Variants in WWOX observed in about 807,000 individuals in gnomAD.
WWOX encodes the protein WW domain containing oxidoreductase.
In WWOX, 69 loss-of-function variants were observed where a neutral mutation model predicts 46.2. The observed-to-expected ratio is 1.49, with a 90% CI of 1.23 to 1.82. The LOEUF (loss-of-function observed/expected upper bound fraction) is 1.82, where lower values mean the gene tolerates loss of function less well. WWOX is among the 40% of genes most tolerant of loss of function. The probability of loss-of-function intolerance (pLI) is 0.00; values close to 1 mark genes in which losing one functional copy is unlikely to be tolerated. For missense variants in WWOX, 919 were observed against 542.6 expected (o/e 1.69, Z -6.89); for synonymous variants, 359 against 202.6 (o/e 1.77, Z -6.56).
chr16:78,951,627 A>T (rs2046061889), intron 8 of WWOX, among the ~76,000 whole-genome samples: 1 of 152,234 alleles, frequency 6.6e-6, no homozygotes, highest in African/African-American at 2.4e-5. Context: ...CCCAGGAGAC[A>T]GTGGCAGTCT....
rs575106440 is a variant in WWOX, at chr16:78,917,432, T to G, written c.1057-294176T>G. 6.6e-5 allele frequency among the ~76,000 whole-genome samples: 10 copies of G among 152,202 alleles called. No homozygotes were observed. In the East Asian group the frequency reaches 1.9e-3, roughly 29 times the overall value. On this transcript the variant is annotated intron_variant, in intron 8 of 8. Transcript: ENST00000566780. Reference sequence around the variant, plus strand: ...CACTGACCTGCATTCGTGTAGGAACTGAGCAAGGTTCATCTAGTCTCGGTA... The same window carrying G: ...CACTGACCTGCATTCGTGTAGGAACGGAGCAAGGTTCATCTAGTCTCGGTA...
intron 8 of WWOX, among the ~76,000 whole-genome samples, chr16:78,944,180 G>A (rs2045905744): frequency 6.6e-6 from 1 of 152,074 alleles, no homozygotes; most frequent in South Asian, 2.1e-4. Flanking sequence ...TCAAGACTCA[G>A]CACAACACAT....
chr16:79,189,051 A>G (rs1447023119), intron 8 of WWOX, among the ~76,000 whole-genome samples: 1 of 152,210 alleles, frequency 6.6e-6, no homozygotes, highest in Non-Finnish European at 1.5e-5. Flanking sequence ...TGAAAAAGAA[A>G]AGAAAAAAAA....
intron 8 of WWOX, among the ~76,000 whole-genome samples, chr16:78,807,140 T>C (rs958146376): frequency 1.3e-5 from 2 of 152,242 alleles, no homozygotes; most frequent in African/African-American, 4.8e-5. Flanking sequence ...TGAATTGGAA[T>C]CTGCACATTA....
chr16:78,570,231 G>A (rs1487313700), intron 8 of WWOX, among the ~76,000 whole-genome samples: 1 of 152,128 alleles, frequency 6.6e-6, no homozygotes, highest in Non-Finnish European at 1.5e-5. Flanking sequence ...TACGGGTCTG[G>A]GGCCCAAGTG....
chr16:78,758,725 T>C, intron 8 of WWOX, among the ~76,000 whole-genome samples: 1 of 152,146 alleles, frequency 6.6e-6, no homozygotes. Context: ...AGCCCATTGA[T>C]AAATGGAGTT....
chr16:78,687,562 T>G lies in WWOX; in HGVS notation c.1056+254810T>G, dbSNP rs949941102. On this transcript the variant is annotated intron_variant, in intron 8 of 8. Transcript: ENST00000566780. Reference sequence around the variant, plus strand: ...TTTATCGGAATACGCAGACATATACTTTATGAGGTTGGGTAATGAAGAGAG... The same window carrying G: ...TTTATCGGAATACGCAGACATATACGTTATGAGGTTGGGTAATGAAGAGAG... Among the ~76,000 whole-genome samples the G allele has an allele frequency of 2.6e-5, 4 of 151,294 alleles. No individual in the cohort carries two copies. The Admixed American group carries it at 2.7e-4, about 10-fold the overall frequency.
intron 8 of WWOX, among the ~76,000 whole-genome samples, chr16:79,008,145 C>T (rs936251884): frequency 6.6e-6 from 1 of 152,108 alleles, no homozygotes; most frequent in African/African-American, 2.4e-5. Flanking sequence ...GACTGAGGTG[C>T]TTGTTTTCTT....
chr16:78,230,432 A>C (rs1028053527), intron 5 of WWOX, among the ~76,000 whole-genome samples: 1 of 152,202 alleles, frequency 6.6e-6, no homozygotes, highest in Admixed American at 6.5e-5. Context: ...ATGTTCATGC[A>C]GCCAGCCTGG....
In WWOX at chr16:78,512,922, C is replaced by G. The variant is rs187193208; in HGVS notation, c.1056+80170C>G. On this transcript the variant is annotated intron_variant, in intron 8 of 8. Transcript: ENST00000566780. ...ACCCAGTCTTACTTTTCAGGCAGTC[C>G]CAGGCAGGAAGGCCCATTAGTGAAA... is the stretch of plus-strand genomic sequence containing the variant. Among the ~76,000 whole-genome samples the G allele has an allele frequency of 1.5e-3, 228 of 152,222 alleles. 1 individual carries two copies. Among genetic ancestry groups the G allele is most frequent in the Admixed American group, 9.7e-3 (148 of 15,290 alleles).
At chr16:79,111,411 C>T (rs914386270) in intron 8 of WWOX, among the ~76,000 whole-genome samples, 7 of 152,144 alleles carry the variant, frequency 4.6e-5, no homozygotes, top group Admixed American at 2.6e-4. Flanking sequence ...TTTGCCTAAT[C>T]GTTTACTGGT....
chr16:79,012,256 G>A (rs911146471), intron 8 of WWOX, among the ~76,000 whole-genome samples: 2 of 151,748 alleles, frequency 1.3e-5, no homozygotes, highest in African/African-American at 4.8e-5. Context: ...TTTTTGAGAT[G>A]GAGCCTCGCT....
At chr16:79,156,392 C>G (rs2050382239) in intron 8 of WWOX, among the ~76,000 whole-genome samples, 1 of 152,214 alleles carries the variant, frequency 6.6e-6, no homozygotes, top group South Asian at 2.1e-4. Context: ...AACTCCTGAC[C>G]TCAAGTGATT....
chr16:78,346,363 G>A (rs1475350048), intron 5 of WWOX, among the ~76,000 whole-genome samples: 3 of 121,104 alleles, frequency 2.5e-5, no homozygotes, highest in South Asian at 2.5e-4. Context: ...GAATATTGAT[G>A]CACTAGTCTT....
rs2550700 is a variant in WWOX, at chr16:79,027,537, G to A, written c.1057-184071G>A. Among the ~76,000 whole-genome samples, 137 of 151,830 alleles carry A rather than the reference G, an allele frequency of 9.0e-4. 7 individuals are homozygous for A. The highest frequency in any genetic ancestry group is 3.0e-3 in the African/African-American group (123 of 41,174). On this transcript the variant is annotated intron_variant, in intron 8 of 8. Transcript: ENST00000566780. Reference sequence around the variant, plus strand: ...ATCATTTTGGAATGTCCAATTCCCCGTTCTGGAGAGCCTTTGATTATAACA... The same window carrying A: ...ATCATTTTGGAATGTCCAATTCCCCATTCTGGAGAGCCTTTGATTATAACA...
chr16:78,570,843 C>T (rs548081177), intron 8 of WWOX, among the ~76,000 whole-genome samples: 9 of 152,148 alleles, frequency 5.9e-5, no homozygotes, highest in Non-Finnish European at 7.4e-5. Flanking sequence ...AGAAGGCGGG[C>T]GGGGCAAGCT....
intron 8 of WWOX, among the ~76,000 whole-genome samples, chr16:78,914,346 A>G (rs1346910404): frequency 6.6e-6 from 1 of 152,046 alleles, no homozygotes; most frequent in East Asian, 1.9e-4. Context: ...AGCACTTAGA[A>G]CAGTACCTGG....
At chr16:78,627,908 A>C (rs1567447426) in intron 8 of WWOX, among the ~76,000 whole-genome samples, 2 of 152,370 alleles carry the variant, frequency 1.3e-5, no homozygotes, top group East Asian at 3.9e-4. Flanking sequence ...GGCGTTGGCC[A>C]GAACTTGTCT....
At chr16:79,013,902 C>T (rs778078630) in intron 8 of WWOX, among the ~76,000 whole-genome samples, 4 of 152,094 alleles carry the variant, frequency 2.6e-5, no homozygotes, top group South Asian at 2.1e-4. Flanking sequence ...ATTTGGTTTC[C>T]GGGTCCAGCG....
Sources: gnomAD v4.1 joint callset for allele counts (sites outside exome capture counted in the v4.1 genomes callset) on GRCh38, gnomAD v4.1.1 for gene constraint, MANE v1.5 for transcripts, NCBI Gene and HGNC (gene_info 2026-07-23, HGNC 2026-07-21) for gene names.